Variants in DMRT1 observed in about 807,000 individuals in gnomAD.
The protein encoded by DMRT1 is doublesex- and mab-3-related transcription factor 1.
DMRT1 carries 7 observed loss-of-function variants against 32.3 expected under a neutral mutation model. The observed-to-expected ratio is 0.22, with a 90% CI of 0.12 to 0.41. The LOEUF is 0.41. Ranked by LOEUF, DMRT1 falls within the 10% of genes least tolerant of loss-of-function variation. DMRT1 has a pLI of 1.00. For synonymous variants in DMRT1, 278 were observed against 206.1 expected (o/e 1.35, Z -2.99); for missense variants, 625 against 500.5 (o/e 1.25, Z -2.37).
intron 2 of DMRT1, among the ~76,000 whole-genome samples, chr9:847,470 A>G (rs1018251797): frequency 9.9e-5 from 15 of 152,278 alleles, no homozygotes; most frequent in African/African-American, 3.6e-4. Context: ...GGAACTAAAT[A>G]TCCTTGTTTC....
At chr9:935,580 C>T (rs1427901032) in intron 4 of DMRT1, among the ~76,000 whole-genome samples, 2 of 152,222 alleles carry the variant, frequency 1.3e-5, no homozygotes, top group Non-Finnish European at 2.9e-5. Context: ...ACCAGTCTCG[C>T]AGTGCCTTGT....
At chr9:913,672 A>G (rs987130984) in intron 3 of DMRT1, among the ~76,000 whole-genome samples, 1 of 151,236 alleles carries the variant, frequency 6.6e-6, no homozygotes, top group Non-Finnish European at 1.5e-5. Context: ...AGGCGGGCGG[A>G]TCACTTGAGG....
intron 1 of DMRT1, among the ~76,000 whole-genome samples, chr9:844,719 C>CTTTTT (rs35980858): frequency 2.6e-5 from 3 of 116,890 alleles, no homozygotes; most frequent in African/African-American, 6.7e-5. Flanking sequence ...TTCTTTCTTT[C>CTTTTT]TTTTTTTTTT....
intron 2 of DMRT1, among the ~76,000 whole-genome samples, chr9:886,426 T>G (rs1053818391): frequency 6.6e-6 from 1 of 152,024 alleles, no homozygotes; most frequent in African/African-American, 2.4e-5. Context: ...GCCCGGCTAG[T>G]TTTTCTGTTT....
chr9:930,549 C>T (rs1818683752), intron 4 of DMRT1, among the ~76,000 whole-genome samples: 1 of 152,068 alleles, frequency 6.6e-6, no homozygotes, highest in Non-Finnish European at 1.5e-5. Context: ...GCTGGGGCTA[C>T]AGGCGCCCGC....
intron 4 of DMRT1, among the ~76,000 whole-genome samples, chr9:939,927 G>A (rs1208728251): frequency 6.6e-6 from 1 of 151,988 alleles, no homozygotes; most frequent in Non-Finnish European, 1.5e-5. Context: ...CTCCAAAGAC[G>A]ATACATAAAT....
At chr9:942,725 G>A (rs901408724) in intron 4 of DMRT1, among the ~76,000 whole-genome samples, 2 of 152,036 alleles carry the variant, frequency 1.3e-5, no homozygotes, top group African/African-American at 2.4e-5. Flanking sequence ...CCAGAGGTTC[G>A]TTGGTTTTAT....
chr9:860,906 C>T (rs772518632), intron 2 of DMRT1, among the ~76,000 whole-genome samples: 21 of 152,152 alleles, frequency 1.4e-4, no homozygotes, highest in Non-Finnish European at 2.6e-4. Flanking sequence ...CACAGGGTGA[C>T]ACCAGTGGGG....
intron 1 of DMRT1, 144 bp from the exon 2 acceptor site, chr9:846,816 G>C: frequency 1.0e-6 from 1 of 980,856 alleles, no homozygotes; most frequent in Non-Finnish European, 1.6e-6. Context: ...TAGTTACCTG[G>C]GTGGGTTTAA....
chr9:883,968 T>C (rs895316487), intron 2 of DMRT1, among the ~76,000 whole-genome samples: 3 of 152,112 alleles, frequency 2.0e-5, no homozygotes, highest in Admixed American at 6.6e-5. Context: ...ATGCAAGATA[T>C]GGGGTTACAA....
At chr9:871,222 T>A (rs979661193) in intron 2 of DMRT1, among the ~76,000 whole-genome samples, 8 of 151,448 alleles carry the variant, frequency 5.3e-5, no homozygotes, top group Non-Finnish European at 1.0e-4. Flanking sequence ...GAGACGGGGT[T>A]TTGCCACGTT....
At chr9:940,760 C>G (rs553903610) in intron 4 of DMRT1, among the ~76,000 whole-genome samples, 1 of 152,280 alleles carries the variant, frequency 6.6e-6, no homozygotes, top group East Asian at 1.9e-4. Context: ...GCACAACCTT[C>G]AGAATGGGAG....
intron 3 of DMRT1, among the ~76,000 whole-genome samples, chr9:901,389 C>T (rs577461730): frequency 9.2e-5 from 14 of 152,168 alleles, no homozygotes; most frequent in South Asian, 6.2e-4. Context: ...TGCAGTGGCG[C>T]GATCTCGGCT....
intron 4 of DMRT1, among the ~76,000 whole-genome samples, chr9:967,257 C>T (rs1586674700): frequency 6.6e-6 from 1 of 152,190 alleles, no homozygotes; most frequent in South Asian, 2.1e-4. Context: ...GCTAAGGTTG[C>T]AAAAGTTGCT....
chr9:879,585 T>G (rs1488097575), intron 2 of DMRT1, among the ~76,000 whole-genome samples: 1 of 152,220 alleles, frequency 6.6e-6, no homozygotes, highest in African/African-American at 2.4e-5. Flanking sequence ...TACATCATTG[T>G]CACTATTCTT....
At chr9:844,414 A>G (rs1838813481) in intron 1 of DMRT1, among the ~76,000 whole-genome samples, 1 of 141,326 alleles carries the variant, frequency 7.1e-6, no homozygotes, top group Non-Finnish European at 1.5e-5. Flanking sequence ...GAAGGTCCTT[A>G]GCATATGGAG....
chr9:917,040 A>C, intron 4 of DMRT1, 133 bp downstream of exon 4: 1 of 980,298 alleles, frequency 1.0e-6, no homozygotes, highest in Non-Finnish European at 1.6e-6. Flanking sequence ...AAGCTTGGAT[A>C]AGTATCCTTT....
intron 4 of DMRT1, among the ~76,000 whole-genome samples, chr9:961,567 C>T (rs1819774086): frequency 6.6e-6 from 1 of 152,202 alleles, no homozygotes; most frequent in South Asian, 2.1e-4. Context: ...CTTCTCACCT[C>T]CCTCCTCAAA....
intron 4 of DMRT1, among the ~76,000 whole-genome samples, chr9:937,761 T>C (rs1349804474): frequency 6.6e-6 from 1 of 152,180 alleles, no homozygotes; most frequent in Non-Finnish European, 1.5e-5. Context: ...TTTTAAGCTA[T>C]GATTTCCAAG....
Sources: gnomAD v4.1 joint callset for allele counts (sites outside exome capture counted in the v4.1 genomes callset) on GRCh38, gnomAD v4.1.1 for gene constraint, MANE v1.5 for transcripts, NCBI Gene and HGNC (gene_info 2026-07-23, HGNC 2026-07-21) for gene names.